EXT2: variants seen among roughly 807,000 people sequenced by gnomAD.
EXT2 encodes exostosin-2.
Under a neutral mutation model 81.6 loss-of-function variants are expected in EXT2, and 53 were observed. The ratio of observed to expected loss-of-function variants is 0.65; its 90% CI spans 0.52 to 0.82. The LOEUF (loss-of-function observed/expected upper bound fraction) is 0.82. Ranked by LOEUF, EXT2 falls within the 40% of genes least tolerant of loss-of-function variation. The probability of loss-of-function intolerance (pLI) is 0.00; values close to 1 mark genes in which losing one functional copy is unlikely to be tolerated. For synonymous variants in EXT2, 320 were observed against 340.0 expected (o/e 0.94, Z 0.65); for missense variants, 774 against 910.2 (o/e 0.85, Z 1.93).
chr11:44,115,207 G>A (rs1954204650), intron 4 of EXT2, among the ~76,000 whole-genome samples: 1 of 152,140 alleles, frequency 6.6e-6, no homozygotes, highest in South Asian at 2.1e-4. Context: ...CTGAGGTTAG[G>A]TTTTTGTTTT....
intron 7 of EXT2, among the ~76,000 whole-genome samples, chr11:44,164,217 C>T (rs951515425): frequency 5.3e-5 from 8 of 152,120 alleles, no homozygotes; most frequent in African/African-American, 1.9e-4. Flanking sequence ...TATTATCCAT[C>T]TTTCTACCAA....
At chr11:44,207,039 A>T in intron 10 of EXT2, 80 bp downstream of exon 10, 1 of 1,477,246 alleles carries the variant, frequency 6.8e-7, no homozygotes, top group South Asian at 1.1e-5. Context: ...AAAGAGTATT[A>T]TATTTCCTTC....
intron 10 of EXT2, among the ~76,000 whole-genome samples, chr11:44,215,320 C>A (rs957986457): frequency 2.6e-5 from 4 of 152,112 alleles, no homozygotes; most frequent in Non-Finnish European, 2.9e-5. Context: ...TCTTTAAGCT[C>A]AAAATATTTT....
chr11:44,205,246 G>C (rs551317394), intron 9 of EXT2, among the ~76,000 whole-genome samples: 1 of 152,296 alleles, frequency 6.6e-6, no homozygotes, highest in East Asian at 1.9e-4. Flanking sequence ...TATATTAGTT[G>C]CTTAACAAAG....
In EXT2 at chr11:44,165,712, G is replaced by T. The variant is rs1052646288; in HGVS notation, c.1174-5899G>T. ...GGTTTAATTTGAATATGACTTAAAAGAATATATGATGATAGACCCAGTTGG... is the reference window on the plus strand; with the variant it reads ...GGTTTAATTTGAATATGACTTAAAATAATATATGATGATAGACCCAGTTGG... On this transcript the variant is annotated intron_variant, in intron 7 of 13. Coordinates refer to ENST00000533608, the MANE Select transcript of EXT2 (RefSeq NM_207122.2). 2.6e-5 allele frequency among the ~76,000 whole-genome samples: 4 copies of T among 152,338 alleles called. No homozygotes were observed. The East Asian group carries it at 7.7e-4, about 29-fold the overall frequency.
intron 8 of EXT2, among the ~76,000 whole-genome samples, chr11:44,187,003 TTCC>T (rs1404532975): frequency 1.4e-4 from 19 of 133,708 alleles, no homozygotes; most frequent in African/African-American, 5.5e-4. Flanking sequence ...CCTTCCTTCC[TTCC>T]TTCCTTCCTT....
Position 44,130,052 on chromosome 11 carries a change from G to A in EXT2, c.1087G>A (p.Val363Met), listed in dbSNP as rs138943091. The A allele has an allele frequency of 8.4e-4, 1,356 of 1,613,954 alleles. 3 individuals carry two copies. Among genetic ancestry groups the A allele is most frequent in the Non-Finnish European group, 1.1e-3 (1,245 of 1,179,822 alleles). ...TTTTGCTGTTGTCTCCAGAGCATCT[G>A]TGGTTGTACCAGAAGAAAAGATGTC... ...SEVLDWKRAS[V>M]VVPEEKMSDV... The change falls in exon 7 of 14, where the codon GTG (valine) becomes ATG (methionine). Residue 363 changes from valine (V) to methionine (M), a missense_variant. Around this residue, in one of 2 missense-constraint regions of EXT2, gnomAD observed 626 missense variants for 670.5 expected, o/e 0.93. Coordinates refer to ENST00000533608, the MANE Select transcript of EXT2 (RefSeq NM_207122.2).
chr11:44,104,550 A>ATAACAGCCTC (rs1954028103), intron 1 of EXT2: 1 of 152,250 alleles, frequency 6.6e-6, no homozygotes, highest in African/African-American at 2.4e-5. Flanking sequence ...AAACTTACTG[A>ATAACAGCCTC]TAACAGCCTC....
intron 7 of EXT2, among the ~76,000 whole-genome samples, chr11:44,153,645 GT>G (rs1435155548): frequency 6.6e-6 from 1 of 151,926 alleles, no homozygotes; most frequent in Non-Finnish European, 1.5e-5. Flanking sequence ...TAAGCAGTAG[GT>G]TTTTTTGTAG....
rs563220201 is a variant in EXT2, at chr11:44,143,260, A to G, written c.1173+13122A>G. 1.1e-4 allele frequency among the ~76,000 whole-genome samples: 17 copies of G among 152,326 alleles called. 1 individual carries two copies. The South Asian group carries it at 3.5e-3, about 32-fold the overall frequency. On this transcript the variant is annotated intron_variant, in intron 7 of 13. Coordinates refer to ENST00000533608, the MANE Select transcript of EXT2 (RefSeq NM_207122.2). ...AGCCATCACACCTGGCCTTGGAAATACTTCCAGATTAGAAACTATAGAAGA... is the reference window on the plus strand; with the variant it reads ...AGCCATCACACCTGGCCTTGGAAATGCTTCCAGATTAGAAACTATAGAAGA...
At position 44,220,821 on chromosome 11, in the gene EXT2, C is replaced by T. The variant is rs888209104; in HGVS notation, c.1663-11532C>T. On this transcript the variant is annotated intron_variant, in intron 10 of 13. Coordinates refer to ENST00000533608, the MANE Select transcript of EXT2 (RefSeq NM_207122.2). This position sits in a 1 kb window ranked among gnomAD's most constrained non-coding sequence, Gnocchi z 4.4. ...AAGATCCCAAGTAGTGGGCCAGAAG[C>T]CCAGGGAGGTGCTGAAGGAAGCCGC... 4.6e-5 allele frequency among the ~76,000 whole-genome samples: 7 copies of T among 152,138 alleles called. No homozygotes were observed. The highest frequency in any genetic ancestry group is 1.2e-4 in the African/African-American group (5 of 41,428).
At chr11:44,134,022 A>G (rs1954530754) in intron 7 of EXT2, among the ~76,000 whole-genome samples, 1 of 152,232 alleles carries the variant, frequency 6.6e-6, no homozygotes, top group Admixed American at 6.5e-5. Context: ...CTATAGTTAG[A>G]CTAAGACTTT....
At chr11:44,111,329 A>C (rs753792102) in intron 3 of EXT2, among the ~76,000 whole-genome samples, 7 of 152,186 alleles carry the variant, frequency 4.6e-5, no homozygotes, top group Non-Finnish European at 8.8e-5. Context: ...AAAGAGTAAA[A>C]CGTAAAAACC....
chr11:44,230,080 G>A (rs1485909465), intron 10 of EXT2, among the ~76,000 whole-genome samples: 1 of 152,222 alleles, frequency 6.6e-6, no homozygotes, highest in Non-Finnish European at 1.5e-5. Flanking sequence ...GCTGGTTGCG[G>A]GTGCTGTTTG....
intron 8 of EXT2, among the ~76,000 whole-genome samples, chr11:44,184,676 G>A (rs947243234): frequency 2.0e-5 from 3 of 152,144 alleles, no homozygotes; most frequent in Admixed American, 6.5e-5. Context: ...GCATGAACCC[G>A]GGAGGTGGAG....
chr11:44,177,392 G>T (rs1955173193), intron 8 of EXT2, among the ~76,000 whole-genome samples: 1 of 151,980 alleles, frequency 6.6e-6, no homozygotes, highest in South Asian at 2.1e-4. Flanking sequence ...TTCTGGTCTT[G>T]CCTCTTGGCA....
intron 7 of EXT2, chr11:44,144,278 G>A (rs1954685753): frequency 2.5e-6 from 4 of 1,598,252 alleles, no homozygotes; most frequent in Non-Finnish European, 3.4e-6. Flanking sequence ...AGAGAGAACT[G>A]GTCAGCTGCT....
chr11:44,154,372 A>C (rs1295854829), intron 7 of EXT2, among the ~76,000 whole-genome samples: 1 of 152,054 alleles, frequency 6.6e-6, no homozygotes, highest in Non-Finnish European at 1.5e-5. Context: ...AGCTCCTACA[A>C]ATGAGTGAGA....
chr11:44,140,797 A>T (rs552652802), intron 7 of EXT2, among the ~76,000 whole-genome samples: 1 of 152,340 alleles, frequency 6.6e-6, no homozygotes, highest in South Asian at 2.1e-4. Context: ...ATGGGCATAT[A>T]TATTTCTAAC....
Sources: gnomAD v4.1 joint callset for allele counts (sites outside exome capture counted in the v4.1 genomes callset) on GRCh38, gnomAD v4.1.1 for gene constraint, gnomAD v4.1.1 regional missense constraint, Gnocchi (gnomAD v3.1) non-coding constraint, MANE v1.5 for transcripts, NCBI Gene and HGNC (gene_info 2026-07-23, HGNC 2026-07-21) for gene names.